Variants in CNTN5 observed in about 807,000 individuals in gnomAD.
The protein encoded by CNTN5 is contactin 5.
Under a neutral mutation model 129.1 loss-of-function variants are expected in CNTN5, and 77 were observed. That is an observed-to-expected ratio of 0.60 (90% confidence interval 0.50 to 0.72). The LOEUF (loss-of-function observed/expected upper bound fraction) is 0.72, where lower values mean the gene tolerates loss of function less well. CNTN5 is among the 30% of genes least tolerant of loss of function. The pLI, the probability that CNTN5 is intolerant of heterozygous loss-of-function variation, is 0.00. For missense variants in CNTN5, 1,478 were observed against 1,328.8 expected (o/e 1.11, Z -1.75); for synonymous variants, 509 against 465.6 (o/e 1.09, Z -1.20).
intron 3 of CNTN5, among the ~76,000 whole-genome samples, chr11:99,739,207 A>T (rs949549610): frequency 1.3e-5 from 2 of 152,158 alleles, no homozygotes; most frequent in African/African-American, 4.8e-5. Context: ...AAGTTTATTT[A>T]TAATAATATA....
chr11:99,093,549 G>T (rs1052882626), intron 1 of CNTN5, among the ~76,000 whole-genome samples: 2 of 151,504 alleles, frequency 1.3e-5, no homozygotes, highest in African/African-American at 2.4e-5. Flanking sequence ...TGTGACCCAT[G>T]TTGGGAAGGC....
intron 13 of CNTN5, among the ~76,000 whole-genome samples, chr11:100,112,474 G>T (rs1010083560): frequency 1.3e-5 from 2 of 151,970 alleles, no homozygotes; most frequent in African/African-American, 4.8e-5. Flanking sequence ...ATCAGACACC[G>T]AAAATGTAAC....
At chr11:100,041,370 C>T (rs1318260090) in intron 9 of CNTN5, among the ~76,000 whole-genome samples, 4 of 152,114 alleles carry the variant, frequency 2.6e-5, no homozygotes, top group Admixed American at 2.6e-4. Flanking sequence ...TGAATTCCAC[C>T]TCTATCACTC....
chr11:99,616,439 G>C (rs1050770226), intron 3 of CNTN5, among the ~76,000 whole-genome samples: 4 of 152,108 alleles, frequency 2.6e-5, no homozygotes, highest in African/African-American at 9.7e-5. Context: ...ATGGTGTTAT[G>C]ATAAAATAAT....
chr11:99,136,314 C>G (rs1487639565), intron 1 of CNTN5, among the ~76,000 whole-genome samples: 2 of 152,098 alleles, frequency 1.3e-5, no homozygotes, highest in African/African-American at 4.8e-5. Context: ...ATAGATCAAT[C>G]GACAGAAACA....
At chr11:99,957,559 T>C (rs1950835403) in intron 8 of CNTN5, among the ~76,000 whole-genome samples, 1 of 152,152 alleles carries the variant, frequency 6.6e-6, no homozygotes, top group Non-Finnish European at 1.5e-5. Context: ...TATCTTCAAA[T>C]TTAAACACCT....
chr11:99,625,752 T>C (rs908567512), intron 3 of CNTN5, among the ~76,000 whole-genome samples: 1 of 138,616 alleles, frequency 7.2e-6, no homozygotes, highest in South Asian at 2.3e-4. Flanking sequence ...AACTATTGAC[T>C]CCTTTATCAT....
At chr11:99,922,680 C>T (rs1360110898) in intron 7 of CNTN5, among the ~76,000 whole-genome samples, 1 of 152,136 alleles carries the variant, frequency 6.6e-6, no homozygotes, top group Non-Finnish European at 1.5e-5. Context: ...TGGAACAATA[C>T]AATGTAAAGT....
chr11:100,064,993 C>T (rs60156878), intron 10 of CNTN5, among the ~76,000 whole-genome samples: 4,398 of 152,104 alleles, frequency 0.029, 213 homozygotes, highest in African/African-American at 0.099. Flanking sequence ...GTATCATGTG[C>T]GTCACCAACT....
intron 7 of CNTN5, among the ~76,000 whole-genome samples, chr11:99,954,254 G>A (rs1950744785): frequency 6.6e-6 from 1 of 152,190 alleles, no homozygotes; most frequent in South Asian, 2.1e-4. Context: ...TAGATGCACA[G>A]TATATCTCAA....
At chr11:99,610,242 G>A (rs767155589) in intron 3 of CNTN5, among the ~76,000 whole-genome samples, 7 of 152,092 alleles carry the variant, frequency 4.6e-5, no homozygotes, top group Non-Finnish European at 8.8e-5. Flanking sequence ...GACTGTAGGG[G>A]TTCTATTAAT....
chr11:99,648,879 G>A (rs577252106), intron 3 of CNTN5, among the ~76,000 whole-genome samples: 13 of 151,822 alleles, frequency 8.6e-5, no homozygotes, highest in East Asian at 5.8e-4. Context: ...GACTGGAACC[G>A]AGAATTCTAG....
chr11:100,118,592 TG>T (rs1291824349), intron 13 of CNTN5, among the ~76,000 whole-genome samples: 1 of 151,946 alleles, frequency 6.6e-6, no homozygotes, highest in East Asian at 1.9e-4. Context: ...AATGAGGATT[TG>T]TAATTACTTT....
chr11:99,332,248 A>G (rs1866030747), intron 2 of CNTN5, among the ~76,000 whole-genome samples: 1 of 152,070 alleles, frequency 6.6e-6, no homozygotes, highest in Non-Finnish European at 1.5e-5. Context: ...GCTCCAAATT[A>G]TTCCACTTTT....
chr11:99,844,793 AAC>A (rs1237827561), intron 4 of CNTN5, 57 bp from the exon 5 acceptor site: 21 of 1,524,898 alleles, frequency 1.4e-5, no homozygotes, highest in African/African-American at 1.2e-4. Context: ...AAAAGAAAAA[AAC>A]ACAAAATATC....
chr11:99,808,891 G>T (rs1014130152), intron 3 of CNTN5, among the ~76,000 whole-genome samples: 1 of 152,118 alleles, frequency 6.6e-6, no homozygotes, highest in Non-Finnish European at 1.5e-5. Flanking sequence ...GAGCATCACA[G>T]TGAGCCTGTG....
chr11:100,085,548 A>C (rs529038813), intron 13 of CNTN5, among the ~76,000 whole-genome samples: 1 of 152,190 alleles, frequency 6.6e-6, no homozygotes, highest in East Asian at 1.9e-4. Context: ...CCAAGGAGGC[A>C]CCTGTCTGGT....
At chr11:100,231,040 A>G (rs1251602652) in intron 16 of CNTN5, among the ~76,000 whole-genome samples, 1 of 152,162 alleles carries the variant, frequency 6.6e-6, no homozygotes, top group Non-Finnish European at 1.5e-5. Flanking sequence ...TTAAAATCCA[A>G]TTTCATTCAC....
intron 1 of CNTN5, among the ~76,000 whole-genome samples, chr11:99,045,040 A>T (rs191464485): frequency 6.6e-6 from 1 of 152,334 alleles, no homozygotes; most frequent in East Asian, 1.9e-4. Flanking sequence ...TGCAAAGCCC[A>T]TGAAATACCT....
Sources: gnomAD v4.1 joint callset for allele counts (sites outside exome capture counted in the v4.1 genomes callset) on GRCh38, gnomAD v4.1.1 for gene constraint, MANE v1.5 for transcripts, NCBI Gene and HGNC (gene_info 2026-07-23, HGNC 2026-07-21) for gene names.